Variants in WDR25 observed in about 807,000 individuals in gnomAD.
WDR25 encodes the protein WD repeat-containing protein 25.
A neutral mutation model predicts 47.7 loss-of-function variants in WDR25; 35 were observed. The ratio of observed to expected loss-of-function variants is 0.73; its 90% CI spans 0.56 to 0.97. The LOEUF (loss-of-function observed/expected upper bound fraction) is 0.97. Ranked by LOEUF, WDR25 falls within the 50% of genes least tolerant of loss-of-function variation. WDR25 has a pLI of 0.00. For synonymous variants in WDR25, 248 were observed against 278.9 expected (o/e 0.89, Z 1.10); for missense variants, 634 against 704.7 (o/e 0.90, Z 1.14).
Position 100,457,950 on chromosome 14 carries a change from G to T in WDR25, c.823-10071G>T, listed in dbSNP as rs901432754. On this transcript the variant is annotated intron_variant, in intron 2 of 6. Transcript: ENST00000402312. ...TATGGTTATAAGTCTAACAATGGGA[G>T]ATAAAATAACAAAAGATATTCAATG... Among the ~76,000 whole-genome samples, 20 of 151,982 alleles carry T rather than the reference G, an allele frequency of 1.3e-4. 1 individual carries two copies. Among genetic ancestry groups the T allele is most frequent in the South Asian group, 2.1e-4 (1 of 4,828 alleles).
chr14:100,491,398 G>T (rs539793048), intron 4 of WDR25, among the ~76,000 whole-genome samples: 1 of 152,220 alleles, frequency 6.6e-6, no homozygotes, highest in Non-Finnish European at 1.5e-5. Flanking sequence ...ACCACATAAT[G>T]ACGTTTCGGT....
intron 2 of WDR25, among the ~76,000 whole-genome samples, chr14:100,441,164 C>G (rs1465355852): frequency 2.0e-5 from 3 of 152,158 alleles, no homozygotes; most frequent in African/African-American, 7.2e-5. Context: ...GTATGGACAT[C>G]ATGAGGGACA....
At chr14:100,513,997 G>A (rs1038369454) in intron 4 of WDR25, among the ~76,000 whole-genome samples, 25 of 150,760 alleles carry the variant, frequency 1.7e-4, no homozygotes, top group African/African-American at 5.4e-4. Context: ...GTGCAGTGGC[G>A]CAATCTCGGC....
chr14:100,426,462 A>T (rs1898171355), intron 2 of WDR25, among the ~76,000 whole-genome samples: 1 of 152,252 alleles, frequency 6.6e-6, no homozygotes, highest in South Asian at 2.1e-4. Flanking sequence ...GCACTGTGGC[A>T]CTGTATTTCA....
intron 2 of WDR25, among the ~76,000 whole-genome samples, chr14:100,406,134 T>C (rs192763855): frequency 9.2e-5 from 14 of 152,214 alleles, no homozygotes; most frequent in African/African-American, 3.4e-4. Context: ...GGGCCCAGGT[T>C]CAAAGCAGAG....
intron 2 of WDR25, among the ~76,000 whole-genome samples, chr14:100,447,011 C>T (rs1898858252): frequency 6.6e-6 from 1 of 152,208 alleles, no homozygotes; most frequent in Non-Finnish European, 1.5e-5. Flanking sequence ...ACTTGTTAAA[C>T]TTTAATAGGT....
At position 100,394,090 on chromosome 14, in the gene WDR25, T is replaced by C. The variant is rs147258310; in HGVS notation, c.822+12344T>C. Among the ~76,000 whole-genome samples, 133 of 152,308 alleles carry C rather than the reference T, an allele frequency of 8.7e-4. 1 individual carries two copies. Among genetic ancestry groups the C allele is most frequent in the East Asian group, 4.8e-3 (25 of 5,170 alleles). The stretch of plus-strand genomic sequence containing the variant: ...ACGCTCTTACAAATGGAAGGTATTA[T>C]CAAGAACTCCAAGCCGGGGTTTATT... On this transcript the variant is annotated intron_variant, in intron 2 of 6. Transcript: ENST00000402312.
At chr14:100,412,192 G>A (rs1363630914) in intron 2 of WDR25, among the ~76,000 whole-genome samples, 1 of 141,018 alleles carries the variant, frequency 7.1e-6, no homozygotes. Flanking sequence ...GGGTGACAGA[G>A]TGAGACCCTG....
chr14:100,527,272 C>T (rs547705540), intron 5 of WDR25, among the ~76,000 whole-genome samples: 8 of 151,948 alleles, frequency 5.3e-5, no homozygotes, highest in Admixed American at 2.0e-4. Flanking sequence ...CCATCACCAC[C>T]GTGATTGTCA....
At chr14:100,475,591 A>C (rs1468804504) in intron 3 of WDR25, among the ~76,000 whole-genome samples, 1 of 152,180 alleles carries the variant, frequency 6.6e-6, no homozygotes, top group Non-Finnish European at 1.5e-5. Flanking sequence ...GATCTCGTAG[A>C]AGCGTTGAGT....
Position 100,484,132 on chromosome 14 carries a change from C to T in WDR25, c.1101+8C>T. ...GATATAAGGACTGGCAAGGTAATAG[C>T]CATATTCCTAACTTGGCCTTTCCAC... On this transcript the variant is annotated splice_region_variant and intron_variant, in intron 4 of 6. Transcript: ENST00000402312. 6.2e-7 allele frequency: 1 copy of T among 1,605,716 alleles called. No homozygotes were observed. Among genetic ancestry groups the T allele is most frequent in the Non-Finnish European group, 8.5e-7 (1 of 1,177,304 alleles).
intron 2 of WDR25, among the ~76,000 whole-genome samples, chr14:100,466,068 A>G (rs1037119786): frequency 2.6e-5 from 4 of 152,096 alleles, no homozygotes; most frequent in African/African-American, 9.7e-5. Flanking sequence ...ATTCATACAT[A>G]TTTTTGGAAA....
chr14:100,527,185 C>T (rs1461759265), intron 5 of WDR25, among the ~76,000 whole-genome samples: 3 of 151,690 alleles, frequency 2.0e-5, no homozygotes, highest in Non-Finnish European at 4.4e-5. Context: ...ATCTCTATCA[C>T]CACCACTGTC....
At position 100,529,169 on chromosome 14, in the gene WDR25, C is replaced by T. The variant is rs528228202; in HGVS notation, c.1374C>T (p.Pro458=). ...TGGCCCTTTTCTCCACTGTGTGGCC[C>T]TACCGGATGAGCAGACGGCGGCGCT... is the stretch of plus-strand genomic sequence containing the variant. The part of the protein sequence containing the change: ...NYLALFSTVW[P]YRMSRRRRYE... The change falls in exon 6 of 7, where the codon CCC becomes CCT. Residue 458 remains proline, a synonymous_variant. Coordinates refer to ENST00000402312, the MANE Select transcript of WDR25 (RefSeq NM_001161476.3). This position sits in a 1 kb window ranked among gnomAD's most constrained non-coding sequence, Gnocchi z 5.1. The T allele has an allele frequency of 8.1e-6, 13 of 1,612,590 alleles. No individual in the cohort carries two copies. The highest frequency in any genetic ancestry group is 5.0e-5 in the Admixed American group (3 of 60,002).
rs116772304 is a variant in WDR25 at position 100,512,463 on chromosome 14, G to T, written c.1102-13407G>T. 1.4e-3 allele frequency among the ~76,000 whole-genome samples: 216 copies of T among 152,132 alleles called. 1 individual carries two copies. Among genetic ancestry groups the T allele is most frequent in the African/African-American group, 5.1e-3 (213 of 41,526 alleles). ...CCTCATTTCTCTCAGTGCTGATATT[G>T]GTGATTTTTGTCTTCTCTGTTTTTT... On this transcript the variant is annotated intron_variant, in intron 4 of 6. Transcript: ENST00000402312.
intron 1 of WDR25, among the ~76,000 whole-genome samples, chr14:100,379,657 G>C (rs971318064): frequency 6.6e-6 from 1 of 151,986 alleles, no homozygotes; most frequent in Admixed American, 6.5e-5. Context: ...CAAAGTGCTG[G>C]GATTTCAGGT....
chr14:100,530,213 G>A lies in WDR25; in HGVS notation c.*172G>A, dbSNP rs140012390. 2,057 of 684,398 alleles carry A rather than the reference G, an allele frequency of 3.0e-3. 20 individuals carry two copies. In the African/African-American group the frequency reaches 0.032, roughly 11 times the overall value. 42.4% of individuals were successfully genotyped at this position (684,398 alleles called of 1,614,324 possible). On this transcript the variant is annotated 3_prime_UTR_variant, in exon 7 of 7. Transcript: ENST00000402312. The stretch of plus-strand genomic sequence containing the variant: ...GGAGAAAAGTCTGTTTGCCTCAGGA[G>A]TGTGAGGACTACACTAGTGAAAGCG...
At chr14:100,448,262 A>G (rs1229806664) in intron 2 of WDR25, among the ~76,000 whole-genome samples, 1 of 151,958 alleles carries the variant, frequency 6.6e-6, no homozygotes, top group Non-Finnish European at 1.5e-5. Context: ...GCAGGATGCC[A>G]GATTGTACAT....
At chr14:100,389,855 C>A (rs1011170217) in intron 2 of WDR25, among the ~76,000 whole-genome samples, 23 of 152,202 alleles carry the variant, frequency 1.5e-4, no homozygotes, top group Admixed American at 3.3e-4. Context: ...CTCGGCCCCC[C>A]CATAGAACGA....
Sources: allele counts gnomAD v4.1 joint callset (sites outside exome capture counted in the v4.1 genomes callset), GRCh38; gene constraint gnomAD v4.1.1; non-coding constraint Gnocchi (gnomAD v3.1); transcripts MANE v1.5; gene names NCBI Gene and HGNC (gene_info 2026-07-23, HGNC 2026-07-21).